Variants in LTBP1 observed in about 807,000 individuals in gnomAD.
LTBP1 encodes the protein latent transforming growth factor beta binding protein 1.
Under a neutral mutation model 207.6 loss-of-function variants are expected in LTBP1, and 129 were observed. The observed-to-expected ratio is 0.62, with a 90% confidence interval of 0.54 to 0.72. The LOEUF (loss-of-function observed/expected upper bound fraction) is 0.72, where lower values mean the gene tolerates loss of function less well. LTBP1 is among the 30% of genes least tolerant of loss of function. The pLI, the probability that LTBP1 is intolerant of heterozygous loss-of-function variation, is 0.00. For synonymous variants in LTBP1, 963 were observed against 833.7 expected (o/e 1.16, Z -2.67); for missense variants, 2,281 against 2,217.2 (o/e 1.03, Z -0.58).
chr2:33,315,317 G>A (rs1189590279), intron 24 of LTBP1, 48 bp downstream of exon 24: 1 of 1,604,244 alleles, frequency 6.2e-7, no homozygotes. Context: ...AAAAGAGAGA[G>A]GAGATTGCTT....
chr2:33,186,293 A>G (rs1278340939), intron 5 of LTBP1, among the ~76,000 whole-genome samples: 4 of 152,176 alleles, frequency 2.6e-5, no homozygotes, highest in South Asian at 2.1e-4. Context: ...GTAGGTATAT[A>G]TATTTATGGG....
intron 9 of LTBP1, among the ~76,000 whole-genome samples, chr2:33,232,149 C>T (rs1238072803): frequency 6.6e-6 from 1 of 152,060 alleles, no homozygotes; most frequent in African/African-American, 2.4e-5. Context: ...GGTATTCTTG[C>T]TGAAGGCAGA....
chr2:33,115,037 T>TATACACACACAC lies in LTBP1; in HGVS notation c.1033+4287_1033+4288insTACACACACACA, dbSNP rs869158793. ...ATGAAGGGATAAACAAACAGATATATACACACACACACACACACACACACA... is the reference window on the plus strand; with the variant it reads ...ATGAAGGGATAAACAAACAGATATATATACACACACACACACACACACACACACACACACACA... On this transcript the variant is annotated intron_variant, in intron 4 of 33. Coordinates refer to ENST00000404816, the MANE Select transcript of LTBP1 (RefSeq NM_206943.4). 8.2e-3 allele frequency among the ~76,000 whole-genome samples: 1,187 copies of TATACACACACAC among 145,236 alleles called. 16 individuals carry two copies. The highest frequency in any genetic ancestry group is 0.042 in the Middle Eastern group (12 of 286).
intron 2 of LTBP1, among the ~76,000 whole-genome samples, chr2:33,018,352 T>C (rs1688677605): frequency 6.6e-6 from 1 of 152,114 alleles, no homozygotes; most frequent in Non-Finnish European, 1.5e-5. Context: ...ACAGCCTTCC[T>C]GGTAGAAAAC....
At chr2:33,071,150 G>A (rs2077765583) in intron 3 of LTBP1, among the ~76,000 whole-genome samples, 1 of 152,168 alleles carries the variant, frequency 6.6e-6, no homozygotes, top group African/African-American at 2.4e-5. Context: ...GACTAGATAA[G>A]CAATGGGAAC....
At chr2:33,171,215 A>G (rs1252502693) in intron 5 of LTBP1, among the ~76,000 whole-genome samples, 1 of 116,336 alleles carries the variant, frequency 8.6e-6, no homozygotes, top group Non-Finnish European at 2.0e-5. Context: ...ACTCCGAGCT[A>G]CAGGAGGAAA....
chr2:33,236,906 A>AC (rs2092078853), intron 9 of LTBP1, among the ~76,000 whole-genome samples: 1 of 152,158 alleles, frequency 6.6e-6, no homozygotes, highest in Admixed American at 6.5e-5. Flanking sequence ...TTATCATGTT[A>AC]CCCCGAAGAC....
chr2:33,393,333 G>A (rs2095332200), intron 32 of LTBP1, among the ~76,000 whole-genome samples: 1 of 141,934 alleles, frequency 7.0e-6, no homozygotes, highest in African/African-American at 2.6e-5. Flanking sequence ...GGGTACATGT[G>A]CACAACGTGC....
At chr2:33,287,216 C>A (rs1418949729) in intron 19 of LTBP1, among the ~76,000 whole-genome samples, 1 of 152,168 alleles carries the variant, frequency 6.6e-6, no homozygotes, top group Non-Finnish European at 1.5e-5. Flanking sequence ...GACATGATGG[C>A]ATCATTTGAT....
chr2:33,241,030 A>G (rs1230041649), intron 9 of LTBP1, among the ~76,000 whole-genome samples: 2 of 152,200 alleles, frequency 1.3e-5, no homozygotes, highest in Non-Finnish European at 2.9e-5. Flanking sequence ...TATACTTAAG[A>G]TTGATATATT....
intron 3 of LTBP1, among the ~76,000 whole-genome samples, chr2:33,028,642 A>G (rs2075546666): frequency 6.6e-6 from 1 of 152,166 alleles, no homozygotes; most frequent in Non-Finnish European, 1.5e-5. Flanking sequence ...CCAGGCCAGT[A>G]AGTAGTTCAG....
At position 33,349,122 on chromosome 2, in the gene LTBP1, A is replaced by G. The variant is rs149329166; in HGVS notation, c.4000+1612A>G. The stretch of plus-strand genomic sequence containing the variant: ...TAAAAACTAGAAATCATAAAAAGGT[A>G]ACATCTTCTAAATTTAATTTTTAAC... On this transcript the variant is annotated intron_variant, in intron 26 of 33. Coordinates refer to ENST00000404816, the MANE Select transcript of LTBP1 (RefSeq NM_206943.4). 1.2e-3 allele frequency among the ~76,000 whole-genome samples: 180 copies of G among 152,350 alleles called. 2 individuals are homozygous for G. Among genetic ancestry groups the G allele is most frequent in the Admixed American group, 1.8e-3 (27 of 15,310 alleles).
intron 2 of LTBP1, among the ~76,000 whole-genome samples, chr2:32,992,428 G>A (rs1684559778): frequency 6.6e-6 from 1 of 152,168 alleles, no homozygotes; most frequent in Admixed American, 6.5e-5. Context: ...CCAGGGATGG[G>A]AAACATGAGT....
intron 4 of LTBP1, among the ~76,000 whole-genome samples, chr2:33,121,159 C>CTTTTTTTTTTTTTTTT (rs61065486): frequency 3.1e-4 from 27 of 87,534 alleles, no homozygotes; most frequent in African/African-American, 4.9e-4. Flanking sequence ...TTTGTAAAGT[C>CTTTTTTTTTTTTTTTT]TTTTTTTTTT....
chr2:33,158,150 A>AC lies in LTBP1; in HGVS notation c.1201+23190_1201+23191insC, dbSNP rs1282927443. 1.3e-4 allele frequency among the ~76,000 whole-genome samples: 10 copies of AC among 77,650 alleles called. 1 individual carries two copies. The South Asian group carries it at 1.7e-3, about 13-fold the overall frequency. The allele number at this position is 77,650 out of a possible 152,430, so 50.9% of individuals were successfully genotyped here. On this transcript the variant is annotated intron_variant, in intron 5 of 33. Coordinates refer to ENST00000404816, the MANE Select transcript of LTBP1 (RefSeq NM_206943.4). Reference sequence around the variant, plus strand: ...AAACTCTTGTCTCAAAAAAAAAACAAAAAAAAAAAAAAAAAGAGAGAGAGA... The same window carrying AC: ...AAACTCTTGTCTCAAAAAAAAAACAACAAAAAAAAAAAAAAAGAGAGAGAGA...
At chr2:33,015,002 T>C (rs959042378) in intron 2 of LTBP1, among the ~76,000 whole-genome samples, 2 of 152,040 alleles carry the variant, frequency 1.3e-5, no homozygotes, top group Non-Finnish European at 2.9e-5. Context: ...CACTTTTTTT[T>C]TTTTTTAAGA....
intron 4 of LTBP1, among the ~76,000 whole-genome samples, chr2:33,111,452 G>A (rs1031128266): frequency 1.3e-5 from 2 of 152,200 alleles, no homozygotes; most frequent in Admixed American, 1.3e-4. Context: ...GCAGCTTCCT[G>A]CCCTGTCACA....
At chr2:33,270,745 C>T (rs2093302623) in intron 15 of LTBP1, among the ~76,000 whole-genome samples, 1 of 152,072 alleles carries the variant, frequency 6.6e-6, no homozygotes, top group South Asian at 2.1e-4. Context: ...TCCCTCTTTC[C>T]TTTGCTGTAT....
intron 7 of LTBP1, among the ~76,000 whole-genome samples, chr2:33,196,018 T>G (rs982471789): frequency 1.3e-5 from 2 of 152,180 alleles, no homozygotes; most frequent in Non-Finnish European, 2.9e-5. Flanking sequence ...AAAATTAAGG[T>G]ATGTACTTTA....
Sources: gnomAD v4.1 joint callset for allele counts (sites outside exome capture counted in the v4.1 genomes callset) on GRCh38, gnomAD v4.1.1 for gene constraint, MANE v1.5 for transcripts, NCBI Gene and HGNC (gene_info 2026-07-23, HGNC 2026-07-21) for gene names.